Variants in GOLGA7 observed in about 807,000 individuals in gnomAD.
GOLGA7 encodes golgin A7, also known as golgin subfamily A member 7.
A neutral mutation model predicts 21.1 loss-of-function variants in GOLGA7; 10 were observed. That is an observed-to-expected ratio of 0.47 (90% CI 0.29 to 0.80). The LOEUF is 0.80. GOLGA7 is among the 30% of genes least tolerant of loss of function. The pLI, the probability that GOLGA7 is intolerant of heterozygous loss-of-function variation, is 0.08. For missense variants in GOLGA7, 114 were observed against 166.8 expected (o/e 0.68, Z 1.74); for synonymous variants, 64 against 62.6 (o/e 1.02, Z -0.10).
At position 41,496,654 on chromosome 8, in the gene GOLGA7, A is replaced by ATT. The variant is rs767639104; in HGVS notation, c.112-842_112-841dup. Among the ~76,000 whole-genome samples, 111 of 133,898 alleles carry ATT rather than the reference A, an allele frequency of 8.3e-4. 1 individual carries two copies. The highest frequency in any genetic ancestry group is 4.0e-3 in the Middle Eastern group (1 of 248). 87.8% of individuals were successfully genotyped at this position (133,898 alleles called of 152,430 possible). On this transcript the variant is annotated intron_variant, in intron 1 of 4. Transcript: ENST00000357743. ...CTTTTGATCCTTCTGCTAAAATGCC[A>ATT]TTTTTTTTTTTTTTGCCTAGTAAAT...
In GOLGA7 at chr8:41,510,514, T is replaced by C. The variant is rs768329435; in HGVS notation, c.*946T>C. On this transcript the variant is annotated 3_prime_UTR_variant, in exon 5 of 5. Transcript: ENST00000357743. ...TTAACTATCCCTAAGGCAAACCTTA[T>C]GACCCACAGAATTTTCTCATATACA... 3 of 152,666 alleles carry C rather than the reference T, an allele frequency of 2.0e-5. No homozygotes were observed. The highest frequency in any genetic ancestry group is 6.5e-5 in the Admixed American group (1 of 15,280). 9.5% of individuals were successfully genotyped at this position (152,666 alleles called of 1,614,324 possible).
chr8:41,500,668 G>A (rs188769051), intron 2 of GOLGA7, among the ~76,000 whole-genome samples: 16 of 152,186 alleles, frequency 1.1e-4, no homozygotes, highest in African/African-American at 3.6e-4. Context: ...GGGCTCAAGC[G>A]ATCCTCTCAC....
chr8:41,505,700 A>G lies in GOLGA7; in HGVS notation c.265-211A>G, dbSNP rs541213707. 7 of 445,522 alleles carry G rather than the reference A, an allele frequency of 1.6e-5. No individual in the cohort carries two copies. The East Asian group carries it at 2.2e-4, about 14-fold the overall frequency. The allele number at this position is 445,522 out of a possible 1,614,324, so 27.6% of individuals were successfully genotyped here. A position where few individuals can be genotyped will look rare whatever the true frequency, so the allele number is the denominator to read the frequency against. ...TTTTGCATTTATTTACATTGTGTCGAAGATATTTTTGACTGGAAGAGTCCC... is the reference window on the plus strand; with the variant it reads ...TTTTGCATTTATTTACATTGTGTCGGAGATATTTTTGACTGGAAGAGTCCC... On this transcript the variant is annotated intron_variant, in intron 2 of 4. Transcript: ENST00000357743.
chr8:41,506,909 A>G, intron 3 of GOLGA7, 150 bp from the exon 4 acceptor site: 1 of 660,076 alleles, frequency 1.5e-6, no homozygotes, highest in Non-Finnish European at 2.7e-6. Flanking sequence ...AGCAAATTGG[A>G]GAAAGCAAAC....
At chr8:41,502,684 T>C (rs1308657322) in intron 2 of GOLGA7, 1 of 152,182 alleles carries the variant, frequency 6.6e-6, no homozygotes, top group African/African-American at 2.4e-5. Context: ...TAAGATGTGG[T>C]GTTACTTAGC....
At chr8:41,499,090 T>A (rs1048678710) in intron 2 of GOLGA7, among the ~76,000 whole-genome samples, 1 of 152,214 alleles carries the variant, frequency 6.6e-6, no homozygotes, top group Non-Finnish European at 1.5e-5. Flanking sequence ...AGTATAGTTA[T>A]TTATATCCTT....
intron 1 of GOLGA7, among the ~76,000 whole-genome samples, chr8:41,494,819 T>G (rs1805968574): frequency 6.6e-6 from 1 of 152,216 alleles, no homozygotes; most frequent in Non-Finnish European, 1.5e-5. Context: ...ACTAGCCCAT[T>G]GACTCCTCAC....
Position 41,506,001 on chromosome 8 carries a change from G to T in GOLGA7, c.355G>T (p.Gly119Ter). 1 of 1,522,918 alleles carries T rather than the reference G, an allele frequency of 6.6e-7. No homozygotes were observed. The highest frequency in any genetic ancestry group is 9.1e-7 in the Non-Finnish European group (1 of 1,102,588). The allele number at this position is 1,522,918 out of a possible 1,614,324, so 94.3% of individuals were successfully genotyped here. The change falls in exon 3 of 5, where the codon GGA becomes TGA. Residue 119 changes from glycine (G) to a stop codon, truncating the protein, a stop_gained. Transcript: ENST00000357743. LOFTEE classifies it high-confidence loss of function. Reference protein sequence around the residue: ...GLLLTDPIERGLRVIEITIYE... With the variant: ...GLLLTDPIER ...CCTCCTGACAGACCCTATTGAGCGA[G>T]GACTGCGAGTTGTATCTTTTTAGTT...
In GOLGA7 at chr8:41,490,827, C is replaced by T. The variant is rs758795317; in HGVS notation, c.-28C>T. The T allele has an allele frequency of 7.2e-7, 1 of 1,387,844 alleles. No individual in the cohort carries two copies. The highest frequency in any genetic ancestry group is 1.4e-5 in the African/African-American group (1 of 70,242). 86.0% of individuals were successfully genotyped at this position (1,387,844 alleles called of 1,614,324 possible). Reference sequence around the variant, plus strand: ...ACTCGCGGTTGGTGTTCCCCCGACCCCGCAGCGCGGGGTGTCCTGTCCTCG... The same window carrying T: ...ACTCGCGGTTGGTGTTCCCCCGACCTCGCAGCGCGGGGTGTCCTGTCCTCG... On this transcript the variant is annotated 5_prime_UTR_variant, in exon 1 of 5. Transcript: ENST00000357743.
Position 41,509,671 on chromosome 8 carries a change from C to G in GOLGA7, c.*103C>G, listed in dbSNP as rs139535191. The G allele has an allele frequency of 1.3e-5, 2 of 152,754 alleles. No individual in the cohort carries two copies. The highest frequency in any genetic ancestry group is 2.4e-5 in the African/African-American group (1 of 41,562). The allele number at this position is 152,754 out of a possible 1,614,324, so 9.5% of individuals were successfully genotyped here. A position where few individuals can be genotyped will look rare whatever the true frequency, so the allele number is the denominator to read the frequency against. The stretch of plus-strand genomic sequence containing the variant: ...TCTCCAGAGCATCATTCCTTTCTAT[C>G]TGCTGCCAGAGCCACGGTGCCATTT... On this transcript the variant is annotated 3_prime_UTR_variant, in exon 5 of 5. Coordinates refer to ENST00000357743, the MANE Select transcript of GOLGA7 (RefSeq NM_001002296.2).
At chr8:41,496,611 A>G (rs1427579443) in intron 1 of GOLGA7, among the ~76,000 whole-genome samples, 1 of 152,040 alleles carries the variant, frequency 6.6e-6, no homozygotes, top group Non-Finnish European at 1.5e-5. Flanking sequence ...CTGAGTAAAC[A>G]GAATATAGAA....
At chr8:41,494,252 T>TATCC (rs778165130) in intron 1 of GOLGA7, among the ~76,000 whole-genome samples, 53 of 151,990 alleles carry the variant, frequency 3.5e-4, no homozygotes, top group Non-Finnish European at 4.1e-4. Flanking sequence ...GAGGTAGGAG[T>TATCC]ATCCCTTGGG....
At chr8:41,507,575 G>A (rs1031445559) in intron 4 of GOLGA7, among the ~76,000 whole-genome samples, 6 of 152,148 alleles carry the variant, frequency 3.9e-5, no homozygotes, top group Non-Finnish European at 8.8e-5. Flanking sequence ...TTATGTTTAA[G>A]TGGCTTCAGA....
intron 2 of GOLGA7, among the ~76,000 whole-genome samples, chr8:41,500,721 C>T (rs929135905): frequency 5.9e-5 from 9 of 152,210 alleles, no homozygotes; most frequent in African/African-American, 1.9e-4. Context: ...TGAGCCGCTG[C>T]GCCCAGCAAG....
rs1198069550 is a variant in GOLGA7, at chr8:41,510,933, A to G, written c.*1365A>G. On this transcript the variant is annotated 3_prime_UTR_variant, in exon 5 of 5. Coordinates refer to ENST00000357743, the MANE Select transcript of GOLGA7 (RefSeq NM_001002296.2). Reference sequence around the variant, plus strand: ...GTGTCTGCATTTTCAACCTGTTGCAATAACTTTGCTGAAATATTAACACAT... The same window carrying G: ...GTGTCTGCATTTTCAACCTGTTGCAGTAACTTTGCTGAAATATTAACACAT... 6.1e-6 allele frequency: 1 copy of G among 163,680 alleles called. No individual in the cohort carries two copies. The highest frequency in any genetic ancestry group is 2.4e-5 in the African/African-American group (1 of 41,518). The allele number at this position is 163,680 out of a possible 1,614,324, so 10.1% of individuals were successfully genotyped here.
intron 2 of GOLGA7, among the ~76,000 whole-genome samples, chr8:41,498,538 C>T (rs1222783426): frequency 1.3e-5 from 2 of 152,214 alleles, no homozygotes; most frequent in Non-Finnish European, 2.9e-5. Flanking sequence ...CTGTGGTTCT[C>T]CTCCACCTGG....
At chr8:41,498,114 C>G (rs1806064411) in intron 2 of GOLGA7, among the ~76,000 whole-genome samples, 1 of 152,130 alleles carries the variant, frequency 6.6e-6, no homozygotes, top group Non-Finnish European at 1.5e-5. Context: ...CTTTTCAGTA[C>G]CATCTTTGGG....
intron 2 of GOLGA7, among the ~76,000 whole-genome samples, chr8:41,501,244 A>G (rs998971522): frequency 2.6e-5 from 4 of 152,188 alleles, no homozygotes; most frequent in East Asian, 1.9e-4. Flanking sequence ...TAAAATGTAT[A>G]TTAGAATTAA....
At chr8:41,507,480 G>A (rs1049003998) in intron 4 of GOLGA7, among the ~76,000 whole-genome samples, 1 of 152,166 alleles carries the variant, frequency 6.6e-6, no homozygotes, top group African/African-American at 2.4e-5. Context: ...AATGAGTTCA[G>A]AGATGTCTAC....
Sources: gnomAD v4.1 joint callset for allele counts (sites outside exome capture counted in the v4.1 genomes callset) on GRCh38, gnomAD v4.1.1 for gene constraint, MANE v1.5 for transcripts, NCBI Gene and HGNC (gene_info 2026-07-23, HGNC 2026-07-21) for gene names.